The following DLGAP2 variants were observed in gnomAD, a reference collection of about 807,000 sequenced individuals.
The protein encoded by DLGAP2 is DLG associated protein 2, also known as disks large-associated protein 2.
In DLGAP2, 26 loss-of-function variants were observed where a neutral mutation model predicts 100.3. The ratio of observed to expected loss-of-function variants is 0.26; its 90% CI spans 0.19 to 0.36. DLGAP2 has a LOEUF of 0.36. Ranked by LOEUF, DLGAP2 falls within the 10% of genes least tolerant of loss-of-function variation. The pLI is 1.00. For missense variants in DLGAP2, 1,858 were observed against 1,453.2 expected (o/e 1.28, Z -4.53); for synonymous variants, 886 against 630.1 (o/e 1.41, Z -6.08).
intron 2 of DLGAP2, among the ~76,000 whole-genome samples, chr8:955,054 T>G (rs1274264808): frequency 6.6e-5 from 10 of 152,026 alleles, no homozygotes; most frequent in Non-Finnish European, 1.5e-4. Flanking sequence ...GTGCCTGTTG[T>G]ACCAATTTGT....
At chr8:1,148,626 C>T (rs566281586) in intron 2 of DLGAP2, among the ~76,000 whole-genome samples, 15 of 152,156 alleles carry the variant, frequency 9.9e-5, no homozygotes, top group African/African-American at 3.4e-4. Context: ...ATTGAATGAG[C>T]TTCAGCTTAA....
chr8:1,357,546 G>A (rs543108818), intron 3 of DLGAP2, among the ~76,000 whole-genome samples: 7 of 151,936 alleles, frequency 4.6e-5, no homozygotes, highest in Non-Finnish European at 5.9e-5. Flanking sequence ...AATATTTCCC[G>A]CCTCACAGGT....
chr8:1,522,005 A>G (rs1800616870), intron 4 of DLGAP2, among the ~76,000 whole-genome samples: 1 of 136,884 alleles, frequency 7.3e-6, no homozygotes, highest in Admixed American at 7.6e-5. Flanking sequence ...TTTAATTTGG[A>G]ATACTCGGGG....
At chr8:1,414,337 G>A (rs1044852651) in intron 3 of DLGAP2, among the ~76,000 whole-genome samples, 2 of 152,232 alleles carry the variant, frequency 1.3e-5, no homozygotes, top group African/African-American at 4.8e-5. Flanking sequence ...AAGTCTGAAG[G>A]CTGTAGCCAG....
Position 1,287,494 on chromosome 8 carries a change from GTGGTTCT to G in DLGAP2, c.106+28612_106+28618del, listed in dbSNP as rs1437349858. 9.2e-4 allele frequency among the ~76,000 whole-genome samples: 38 copies of G among 41,444 alleles called. 2 individuals are homozygous for G. The highest frequency in any genetic ancestry group is 2.4e-3 in the African/African-American group (16 of 6,594). The allele number at this position is 41,444 out of a possible 152,430, so 27.2% of individuals were successfully genotyped here. A position where few individuals can be genotyped will look rare whatever the true frequency, so the allele number is the denominator to read the frequency against. On this transcript the variant is annotated intron_variant, in intron 3 of 14. Transcript: ENST00000637795. ...AGCGTGTGTGTGTGTGTGTGTGTGT[GTGGTTCT>G]GTTAGGAGGGGAACTAGTTTTGGTT...
At chr8:937,764 CCT>C (rs1307153160) in intron 2 of DLGAP2, among the ~76,000 whole-genome samples, 1 of 152,140 alleles carries the variant, frequency 6.6e-6, no homozygotes, top group Non-Finnish European at 1.5e-5. Flanking sequence ...GCGTCTGTGC[CCT>C]GTGTCCTAAG....
At chr8:1,039,015 T>A (rs774854447) in intron 2 of DLGAP2, among the ~76,000 whole-genome samples, 20 of 152,232 alleles carry the variant, frequency 1.3e-4, no homozygotes, top group Non-Finnish European at 2.5e-4. Flanking sequence ...TAGGATGCAG[T>A]TGATTTCTGT....
intron 1 of DLGAP2, among the ~76,000 whole-genome samples, chr8:886,971 T>C (rs2128994755): frequency 6.6e-6 from 1 of 152,346 alleles, no homozygotes. Context: ...AGTGGGGTGC[T>C]AAAGTTTCCC....
At chr8:1,639,287 G>T (rs1462138659) in intron 8 of DLGAP2, among the ~76,000 whole-genome samples, 2 of 152,212 alleles carry the variant, frequency 1.3e-5, no homozygotes, top group African/African-American at 4.8e-5. Flanking sequence ...GCAGTGGAAA[G>T]GTGGGAGCCA....
chr8:1,004,637 T>C (rs1273476902), intron 2 of DLGAP2, among the ~76,000 whole-genome samples: 1 of 152,178 alleles, frequency 6.6e-6, no homozygotes. Context: ...AGCCTCTGGC[T>C]CAGTCACAGC....
chr8:1,039,829 C>T (rs1453109001), intron 2 of DLGAP2, among the ~76,000 whole-genome samples: 6 of 145,128 alleles, frequency 4.1e-5, no homozygotes, highest in South Asian at 4.5e-4. Context: ...TGTGCATGGT[C>T]GGCTCGGTGT....
chr8:1,034,093 G>A (rs1386755483), intron 2 of DLGAP2, among the ~76,000 whole-genome samples: 4 of 59,082 alleles, frequency 6.8e-5, no homozygotes, highest in Non-Finnish European at 1.3e-4. Context: ...GACCCCGCGT[G>A]TCACCGCGAG....
intron 5 of DLGAP2, among the ~76,000 whole-genome samples, chr8:1,553,045 C>T (rs908304067): frequency 1.3e-4 from 20 of 152,196 alleles, no homozygotes; most frequent in Non-Finnish European, 1.9e-4. Context: ...CACAGTCCAC[C>T]GAAACTCCCA....
At chr8:1,308,099 G>T (rs897715288) in intron 3 of DLGAP2, among the ~76,000 whole-genome samples, 1 of 152,156 alleles carries the variant, frequency 6.6e-6, no homozygotes, top group Admixed American at 6.5e-5. Context: ...TTCAGAAAAG[G>T]CCTAGGAAGA....
chr8:1,140,037 T>C (rs927801405), intron 2 of DLGAP2, among the ~76,000 whole-genome samples: 1 of 152,110 alleles, frequency 6.6e-6, no homozygotes, highest in Non-Finnish European at 1.5e-5. Context: ...CATTTCAAAT[T>C]TTAAATGGTG....
intron 3 of DLGAP2, among the ~76,000 whole-genome samples, chr8:1,444,070 C>G (rs982081001): frequency 6.6e-6 from 1 of 152,092 alleles, no homozygotes; most frequent in African/African-American, 2.4e-5. Context: ...AAAAACCATG[C>G]TCTCCCTACA....
At position 1,074,170 on chromosome 8, in the gene DLGAP2, G is replaced by T. The variant is rs543001415; in HGVS notation, c.73+166204G>T. 8.3e-5 allele frequency among the ~76,000 whole-genome samples: 12 copies of T among 145,374 alleles called. No homozygotes were observed. In the East Asian group the frequency reaches 2.3e-3, roughly 28 times the overall value. ...TGAACTCACCCAGGTACATATTCAG[G>T]AGTCACTGTAACAGAAGGGTTTGCA... On this transcript the variant is annotated intron_variant, in intron 2 of 14. Coordinates refer to ENST00000637795, the MANE Select transcript of DLGAP2 (RefSeq NM_001346810.2).
At chr8:796,703 A>G (rs1161437604) in intron 1 of DLGAP2, among the ~76,000 whole-genome samples, 1 of 151,984 alleles carries the variant, frequency 6.6e-6, no homozygotes, top group South Asian at 2.1e-4. Flanking sequence ...TGCTGGCTGG[A>G]CCTCTAGTGT....
intron 1 of DLGAP2, among the ~76,000 whole-genome samples, chr8:843,635 C>A (rs1215750872): frequency 6.6e-6 from 1 of 152,184 alleles, no homozygotes; most frequent in African/African-American, 2.4e-5. Flanking sequence ...TGTCTGGTCA[C>A]CTGGTTGCTG....
Sources: gnomAD v4.1 joint callset for allele counts (sites outside exome capture counted in the v4.1 genomes callset) on GRCh38, gnomAD v4.1.1 for gene constraint, MANE v1.5 for transcripts, NCBI Gene and HGNC (gene_info 2026-07-23, HGNC 2026-07-21) for gene names.